The following RBFOX1 variants were observed in gnomAD, a reference collection of about 807,000 sequenced individuals.
RBFOX1 encodes the protein RNA binding fox-1 homolog 1, also known as RNA binding protein fox-1 homolog 1.
Under a neutral mutation model 57.7 loss-of-function variants are expected in RBFOX1, and 8 were observed. That is an observed-to-expected ratio of 0.14 (90% CI 0.08 to 0.25). RBFOX1 has a LOEUF of 0.25. Among genes scored for constraint, RBFOX1 ranks in the 10% least tolerant of loss-of-function variants. The probability of loss-of-function intolerance (pLI) is 1.00; values close to 1 mark genes in which losing one functional copy is unlikely to be tolerated. For synonymous variants in RBFOX1, 326 were observed against 222.4 expected (o/e 1.47, Z -4.15); for missense variants, 611 against 548.5 (o/e 1.11, Z -1.14).
chr16:6,234,537 G>C (rs928968734), intron 1 of RBFOX1, among the ~76,000 whole-genome samples: 7 of 152,128 alleles, frequency 4.6e-5, no homozygotes, highest in African/African-American at 1.4e-4. Flanking sequence ...CTGAATGAAG[G>C]CTTCAGGAAT....
intron 3 of RBFOX1, among the ~76,000 whole-genome samples, chr16:5,694,853 A>G (rs1305640683): frequency 6.6e-6 from 1 of 151,544 alleles, no homozygotes; most frequent in East Asian, 2.0e-4. Flanking sequence ...GAGATGGTAG[A>G]AGAGAACAGA....
intron 3 of RBFOX1, among the ~76,000 whole-genome samples, chr16:7,014,023 G>A (rs1311270999): frequency 2.0e-5 from 3 of 152,104 alleles, no homozygotes; most frequent in Non-Finnish European, 4.4e-5. Context: ...TAGGTTTCAA[G>A]GAACTTGAGG....
intron 2 of RBFOX1, among the ~76,000 whole-genome samples, chr16:6,487,782 T>G (rs1204529520): frequency 1.4e-5 from 2 of 144,298 alleles, no homozygotes; most frequent in African/African-American, 2.6e-5. Context: ...TGGGCATGTT[T>G]ATTACTTTTT....
intron 3 of RBFOX1, among the ~76,000 whole-genome samples, chr16:6,702,134 A>G (rs2061949396): frequency 6.6e-6 from 1 of 152,232 alleles, no homozygotes. Context: ...TAAATCACTC[A>G]TTACAGCAGG....
intron 1 of RBFOX1, among the ~76,000 whole-genome samples, chr16:5,376,787 T>C (rs2065995636): frequency 6.6e-6 from 1 of 150,668 alleles, no homozygotes; most frequent in African/African-American, 2.5e-5. Flanking sequence ...AAGCTTGGGG[T>C]AGACCAGAAG....
chr16:6,351,476 C>T (rs1039437648), intron 2 of RBFOX1, among the ~76,000 whole-genome samples: 1 of 150,372 alleles, frequency 6.7e-6, no homozygotes, highest in Admixed American at 6.7e-5. Flanking sequence ...CAGGTTCAAG[C>T]GATTCTCTTG....
intron 3 of RBFOX1, among the ~76,000 whole-genome samples, chr16:6,826,278 C>G (rs1181607124): frequency 6.6e-6 from 1 of 151,956 alleles, no homozygotes; most frequent in Non-Finnish European, 1.5e-5. Flanking sequence ...TTGGGGAGGC[C>G]GAAGCGAGAA....
chr16:6,516,944 A>G (rs2096391199), intron 2 of RBFOX1, among the ~76,000 whole-genome samples: 1 of 152,180 alleles, frequency 6.6e-6, no homozygotes, highest in Admixed American at 6.5e-5. Context: ...GCTTTCCTCC[A>G]CAAATATGCT....
At chr16:7,357,106 C>T (rs1486625213) in intron 4 of RBFOX1, among the ~76,000 whole-genome samples, 3 of 152,006 alleles carry the variant, frequency 2.0e-5, no homozygotes, top group South Asian at 2.1e-4. Flanking sequence ...AGTGTCATGA[C>T]CAGAGATGGG....
At chr16:6,472,921 G>T (rs770178095) in intron 2 of RBFOX1, among the ~76,000 whole-genome samples, 1 of 151,982 alleles carries the variant, frequency 6.6e-6, no homozygotes, top group African/African-American at 2.4e-5. Flanking sequence ...CACTGTGCCC[G>T]GCCCAGTTTC....
chr16:5,807,448 G>C (rs2055267291), intron 3 of RBFOX1, among the ~76,000 whole-genome samples: 2 of 152,150 alleles, frequency 1.3e-5, no homozygotes. Flanking sequence ...AGGTGGAGCT[G>C]GGTTCCTGAG....
intron 3 of RBFOX1, among the ~76,000 whole-genome samples, chr16:5,768,712 T>C (rs114279020): frequency 2.0e-3 from 308 of 152,212 alleles, no homozygotes; most frequent in African/African-American, 7.1e-3. Flanking sequence ...CCAGCCCACG[T>C]AGGTGCTGTT....
Position 6,531,886 on chromosome 16 carries a change from C to T in RBFOX1, c.-63-122717C>T, listed in dbSNP as rs536204371. Among the ~76,000 whole-genome samples, 10 of 152,284 alleles carry T rather than the reference C, an allele frequency of 6.6e-5. No homozygotes were observed. The South Asian group carries it at 8.3e-4, about 13-fold the overall frequency. On this transcript the variant is annotated intron_variant, in intron 2 of 15. Coordinates refer to ENST00000550418, the MANE Select transcript of RBFOX1 (RefSeq NM_018723.4). ...ATTAGGGCTCATTGGTTGCAAGCAA[C>T]AGGAACCAATTCCCCTTCTACATTA...
chr16:7,706,515 T>G (rs2082490769), intron 14 of RBFOX1, among the ~76,000 whole-genome samples: 1 of 152,202 alleles, frequency 6.6e-6, no homozygotes, highest in African/African-American at 2.4e-5. Context: ...ACATTCAAAT[T>G]GCCCATATAG....
intron 1 of RBFOX1, among the ~76,000 whole-genome samples, chr16:5,424,951 C>CCTTT (rs61009067): frequency 0.45 from 35,859 of 79,102 alleles, 8,761 homozygotes; most frequent in East Asian, 0.59. Context: ...CTTCTTTCTT[C>CCTTT]CTTTGTTTCT....
At chr16:5,603,127 C>T (rs2047422173), downstream of RBFOX1, among the ~76,000 whole-genome samples, 1 of 152,198 alleles carries the variant, frequency 6.6e-6, no homozygotes. Context: ...TTTCTGACCT[C>T]CACCTGTCTG....
intron 1 of RBFOX1, among the ~76,000 whole-genome samples, chr16:6,229,310 T>G (rs762921189): frequency 9.2e-5 from 14 of 152,276 alleles, no homozygotes; most frequent in Non-Finnish European, 1.5e-4. Context: ...ATCGTTCTCC[T>G]GTGATTCTAA....
chr16:7,265,176 A>G (rs916471242), intron 4 of RBFOX1, among the ~76,000 whole-genome samples: 1 of 152,192 alleles, frequency 6.6e-6, no homozygotes, highest in Non-Finnish European at 1.5e-5. Flanking sequence ...TCCAGTTGCC[A>G]TAGCAAAGTG....
At chr16:5,243,274 G>T (rs542313499) in intron 1 of RBFOX1, among the ~76,000 whole-genome samples, 15 of 152,276 alleles carry the variant, frequency 9.9e-5, no homozygotes, top group Admixed American at 2.6e-4. Flanking sequence ...GTTGTCAGGT[G>T]GAACCGAGCA....
Sources: allele counts gnomAD v4.1 joint callset (sites outside exome capture counted in the v4.1 genomes callset), GRCh38; gene constraint gnomAD v4.1.1; transcripts MANE v1.5; gene names NCBI Gene and HGNC (gene_info 2026-07-23, HGNC 2026-07-21).